NELL1: variants seen among roughly 807,000 people sequenced by gnomAD.
NELL1 encodes neural EGFL like 1.
NELL1 carries 76 observed loss-of-function variants against 107.4 expected under a neutral mutation model. The observed-to-expected ratio is 0.71, with a 90% CI of 0.59 to 0.86. NELL1 has a LOEUF of 0.86. Among genes scored for constraint, NELL1 ranks in the 40% least tolerant of loss-of-function variants. The pLI is 0.00. For synonymous variants in NELL1, 353 were observed against 341.2 expected (o/e 1.03, Z -0.38); for missense variants, 1,024 against 1,005.5 (o/e 1.02, Z -0.25).
chr11:21,161,818 C>A (rs551125312), intron 13 of NELL1, among the ~76,000 whole-genome samples: 5 of 151,898 alleles, frequency 3.3e-5, no homozygotes, highest in East Asian at 1.9e-4. Flanking sequence ...GTATTTTATA[C>A]TTATAGCACA....
At chr11:21,058,135 A>G (rs4923293) in intron 12 of NELL1, among the ~76,000 whole-genome samples, 99,088 of 151,828 alleles carry the variant, frequency 0.65, 33,349 homozygotes, top group East Asian at 0.81. Flanking sequence ...AGACTGATGG[A>G]TAGAAAGACA....
At chr11:21,011,583 G>C (rs889443758) in intron 12 of NELL1, among the ~76,000 whole-genome samples, 9 of 152,118 alleles carry the variant, frequency 5.9e-5, no homozygotes, top group African/African-American at 1.9e-4. Context: ...GCATCTCTCT[G>C]GAGCTGAAGT....
intron 3 of NELL1, among the ~76,000 whole-genome samples, chr11:20,815,435 G>GT (rs1857603998): frequency 6.6e-6 from 1 of 152,108 alleles, no homozygotes; most frequent in Non-Finnish European, 1.5e-5. Flanking sequence ...TTTTGCTTAT[G>GT]TTTTTTGGCC....
intron 5 of NELL1, among the ~76,000 whole-genome samples, chr11:20,899,540 A>G (rs1590394960): frequency 1.3e-5 from 2 of 152,328 alleles, no homozygotes; most frequent in East Asian, 3.9e-4. Context: ...TAATGAGTTA[A>G]ACATCCAAAT....
intron 15 of NELL1, among the ~76,000 whole-genome samples, chr11:21,491,700 T>A (rs964892774): frequency 1.3e-5 from 2 of 152,114 alleles, no homozygotes; most frequent in African/African-American, 4.8e-5. Context: ...TGGTTCCATA[T>A]GAACTTTAAA....
At chr11:21,389,794 A>C (rs76471212) in intron 15 of NELL1, among the ~76,000 whole-genome samples, 245 of 151,894 alleles carry the variant, frequency 1.6e-3, no homozygotes, top group African/African-American at 5.7e-3. Context: ...TATTTTGTGG[A>C]TATCCCAAAA....
chr11:21,514,541 C>G (rs963267711), intron 15 of NELL1, among the ~76,000 whole-genome samples: 1 of 152,192 alleles, frequency 6.6e-6, no homozygotes, highest in Non-Finnish European at 1.5e-5. Flanking sequence ...CCAGTTGTAC[C>G]CATGTGGCAA....
At chr11:21,561,655 AC>A (rs1374545213) in intron 17 of NELL1, among the ~76,000 whole-genome samples, 1 of 151,962 alleles carries the variant, frequency 6.6e-6, no homozygotes, top group African/African-American at 2.4e-5. Context: ...GTCTTGTAAC[AC>A]TCTACGATGA....
At chr11:20,886,418 A>C (rs1244766821) in intron 5 of NELL1, among the ~76,000 whole-genome samples, 1 of 152,084 alleles carries the variant, frequency 6.6e-6, no homozygotes, top group Non-Finnish European at 1.5e-5. Flanking sequence ...GATATTCTAA[A>C]AATCCTTCTG....
chr11:20,950,255 G>A (rs755194085), intron 11 of NELL1, among the ~76,000 whole-genome samples: 1 of 152,132 alleles, frequency 6.6e-6, no homozygotes, highest in Non-Finnish European at 1.5e-5. Context: ...GCTAGGGCCT[G>A]CTCTTCCCAT....
chr11:21,219,593 TA>T (rs1353318589), intron 13 of NELL1, among the ~76,000 whole-genome samples: 1 of 152,304 alleles, frequency 6.6e-6, no homozygotes, highest in East Asian at 1.9e-4. Context: ...TTTCTTCTAG[TA>T]GTTTTATTAA....
rs879911143 is a variant in NELL1 at position 21,374,615 on chromosome 11, C to T, written c.1645+3667C>T. The stretch of plus-strand genomic sequence containing the variant: ...AATGAGGCACCACCTCTTAAAAAAA[C>T]GATTGTCAAAGTATTTGTGGGCATA... On this transcript the variant is annotated intron_variant, in intron 15 of 19. Coordinates refer to ENST00000357134, the MANE Select transcript of NELL1 (RefSeq NM_006157.5). 5.9e-5 allele frequency among the ~76,000 whole-genome samples: 9 copies of T among 152,154 alleles called. No individual in the cohort carries two copies. In the East Asian group the frequency reaches 7.8e-4, roughly 13 times the overall value.
At chr11:20,674,530 A>C in intron 1 of NELL1, 1 of 1,536,072 alleles carries the variant, frequency 6.5e-7, no homozygotes, top group East Asian at 2.4e-5. Flanking sequence ...GATATGGAGA[A>C]CTAGAGTTCT....
At chr11:20,965,373 T>C (rs773120117) in intron 12 of NELL1, among the ~76,000 whole-genome samples, 5 of 152,216 alleles carry the variant, frequency 3.3e-5, no homozygotes, top group Non-Finnish European at 5.9e-5. Flanking sequence ...CTTAAATCAT[T>C]AATGTTTATG....
At chr11:20,756,597 G>A in intron 2 of NELL1, among the ~76,000 whole-genome samples, 1 of 142,872 alleles carries the variant, frequency 7.0e-6, no homozygotes. Context: ...TCCTGACCTC[G>A]TGATCCGCCC....
chr11:21,256,891 T>C (rs778958888), intron 14 of NELL1, among the ~76,000 whole-genome samples: 23 of 151,992 alleles, frequency 1.5e-4, no homozygotes, highest in Non-Finnish European at 2.8e-4. Flanking sequence ...ACATCCAGTG[T>C]TGGGTACTTC....
intron 14 of NELL1, among the ~76,000 whole-genome samples, chr11:21,257,397 G>A (rs1858797070): frequency 6.6e-6 from 1 of 152,034 alleles, no homozygotes; most frequent in African/African-American, 2.4e-5. Context: ...TCTGTCCTGT[G>A]AGCCTCACAT....
chr11:20,909,762 C>G (rs1485522209), intron 5 of NELL1, among the ~76,000 whole-genome samples: 2 of 152,106 alleles, frequency 1.3e-5, no homozygotes, highest in African/African-American at 4.8e-5. Flanking sequence ...TTGAACATAA[C>G]AGGGCCTTTT....
At chr11:21,029,642 A>AT (rs1320835739) in intron 12 of NELL1, among the ~76,000 whole-genome samples, 6 of 152,144 alleles carry the variant, frequency 3.9e-5, no homozygotes, top group African/African-American at 9.6e-5. Flanking sequence ...TTTTCCAAAC[A>AT]TTTTTTCCTT....
Sources: allele counts gnomAD v4.1 joint callset (sites outside exome capture counted in the v4.1 genomes callset), GRCh38; gene constraint gnomAD v4.1.1; transcripts MANE v1.5; gene names NCBI Gene and HGNC (gene_info 2026-07-23, HGNC 2026-07-21).